OPCML: variants seen among roughly 807,000 people sequenced by gnomAD.
The protein encoded by OPCML is opioid-binding protein/cell adhesion molecule.
In OPCML, 13 loss-of-function variants were observed where a neutral mutation model predicts 37.8. That is an observed-to-expected ratio of 0.34 (90% CI 0.22 to 0.55). The LOEUF (loss-of-function observed/expected upper bound fraction) is 0.55, where lower values mean the gene tolerates loss of function less well. Among genes scored for constraint, OPCML ranks in the 20% least tolerant of loss-of-function variants. The pLI is 0.91. For missense variants in OPCML, 341 were observed against 435.6 expected, an observed-to-expected ratio of 0.78 and a Z score of 1.93; for synonymous variants, 176 against 168.8, an observed-to-expected ratio of 1.04 and a Z score of -0.33.
intron 1 of OPCML, among the ~76,000 whole-genome samples, chr11:133,389,956 A>G (rs549335325): frequency 6.6e-6 from 1 of 152,320 alleles, no homozygotes; most frequent in African/African-American, 2.4e-5. Flanking sequence ...CCATCCCTGG[A>G]GCATGTTTCT....
chr11:133,046,047 C>T (rs1011130068), intron 1 of OPCML, among the ~76,000 whole-genome samples: 51 of 152,230 alleles, frequency 3.4e-4, no homozygotes, highest in African/African-American at 1.2e-3. Context: ...TCATGAGTTG[C>T]GACTGAAAGC....
intron 4 of OPCML, among the ~76,000 whole-genome samples, chr11:132,442,874 T>A (rs1483045695): frequency 6.6e-6 from 1 of 152,204 alleles, no homozygotes; most frequent in Non-Finnish European, 1.5e-5. Flanking sequence ...CTTTGCTTTA[T>A]AAATTCCCCA....
chr11:133,119,830 T>C (rs1439508039), intron 1 of OPCML, among the ~76,000 whole-genome samples: 1 of 152,050 alleles, frequency 6.6e-6, no homozygotes, highest in African/African-American at 2.4e-5. Flanking sequence ...TCGCACAGGA[T>C]GCACGTGGGA....
At chr11:133,340,262 G>T (rs929519216) in intron 1 of OPCML, among the ~76,000 whole-genome samples, 1 of 152,118 alleles carries the variant, frequency 6.6e-6, no homozygotes, top group Non-Finnish European at 1.5e-5. Context: ...AGTGTCCTTT[G>T]ACTCTCCGGG....
intron 2 of OPCML, among the ~76,000 whole-genome samples, chr11:132,704,411 A>G (rs1001459663): frequency 1.3e-5 from 2 of 152,248 alleles, no homozygotes; most frequent in African/African-American, 4.8e-5. Flanking sequence ...CAGTTTGTAA[A>G]GAAGTTTAAA....
chr11:133,418,511 CA>C (rs1397801165), intron 1 of OPCML: 2 of 974,740 alleles, frequency 2.1e-6, no homozygotes, highest in East Asian at 2.3e-4. Context: ...ACAGCCTTTG[CA>C]AAATTATGAC....
chr11:132,624,407 C>T (rs530362194), intron 3 of OPCML, among the ~76,000 whole-genome samples: 5 of 152,222 alleles, frequency 3.3e-5, no homozygotes, highest in South Asian at 2.1e-4. Flanking sequence ...ATTTTGAAGC[C>T]GTTGGCCACT....
At position 132,436,074 on chromosome 11, in the gene OPCML, T is replaced by G. The variant is rs2096012040; in HGVS notation, c.916+12A>C. 1.2e-6 allele frequency: 2 copies of G among 1,610,742 alleles called. No homozygotes were observed. Among genetic ancestry groups the G allele is most frequent in the South Asian group, 1.1e-5 (1 of 90,628 alleles). Reference sequence around the variant, plus strand: ...TGGCTGAGCCCACTGCATCCAGGCTTCCAGCACTCACCATACAATGTGATG... The same window carrying G: ...TGGCTGAGCCCACTGCATCCAGGCTGCCAGCACTCACCATACAATGTGATG... On this transcript the variant is annotated intron_variant, in intron 7 of 7. Coordinates refer to ENST00000524381, the MANE Select transcript of OPCML (RefSeq NM_001012393.5).
chr11:132,883,023 G>A (rs957072766), intron 2 of OPCML, among the ~76,000 whole-genome samples: 8 of 152,142 alleles, frequency 5.3e-5, no homozygotes, highest in South Asian at 2.1e-4. Flanking sequence ...CTTCAGCTGC[G>A]ACAGTTGAAA....
intron 1 of OPCML, among the ~76,000 whole-genome samples, chr11:132,958,664 A>C (rs1321462211): frequency 3.3e-5 from 5 of 152,218 alleles, no homozygotes; most frequent in Non-Finnish European, 7.3e-5. Context: ...CTCATTTATC[A>C]TTCTGAAAAT....
intron 3 of OPCML, among the ~76,000 whole-genome samples, chr11:132,544,204 A>G (rs2137388512): frequency 6.6e-6 from 1 of 151,792 alleles, no homozygotes; most frequent in Admixed American, 6.6e-5. Context: ...TCCAGCAAAA[A>G]GCAATTAAAG....
At position 133,292,223 on chromosome 11, in the gene OPCML, G is replaced by A. The variant is rs1215739600; in HGVS notation, c.61+240041C>T. ...ACAGAAGTCTAAATCAAAAGGGAGGGGAAAAAAGAGAGATCTCTTTTCTCC... is the reference window on the plus strand; with the variant it reads ...ACAGAAGTCTAAATCAAAAGGGAGGAGAAAAAAGAGAGATCTCTTTTCTCC... On this transcript the variant is annotated intron_variant, in intron 1 of 7. Transcript: ENST00000524381. Among the ~76,000 whole-genome samples, 4 of 152,014 alleles carry A rather than the reference G, an allele frequency of 2.6e-5. No homozygotes were observed. In the East Asian group the frequency reaches 7.7e-4, roughly 29 times the overall value.
At chr11:133,293,383 G>A (rs879829676) in intron 1 of OPCML, among the ~76,000 whole-genome samples, 11 of 152,074 alleles carry the variant, frequency 7.2e-5, no homozygotes, top group Non-Finnish European at 1.2e-4. Flanking sequence ...GTACATTGAC[G>A]GCGAAGTCCA....
At chr11:132,828,342 C>G (rs931851539) in intron 2 of OPCML, among the ~76,000 whole-genome samples, 16 of 152,104 alleles carry the variant, frequency 1.1e-4, no homozygotes, top group Non-Finnish European at 1.9e-4. Context: ...TTTGCCAAAA[C>G]CCAGCGAGCG....
chr11:132,570,756 T>TATAC (rs1491215244), intron 3 of OPCML, among the ~76,000 whole-genome samples: 1 of 6,390 alleles, frequency 1.6e-4, no homozygotes, highest in Non-Finnish European at 2.8e-4. Context: ...GGAAAGAGAG[T>TATAC]ATATATATAT....
In OPCML at chr11:132,663,738, A is replaced by G. The variant is rs144628154; in HGVS notation, c.147-6419T>C. On this transcript the variant is annotated intron_variant, in intron 2 of 7. Coordinates refer to ENST00000524381, the MANE Select transcript of OPCML (RefSeq NM_001012393.5). ...GGAAGGAGAACTTCGTTATCACAGG[A>G]TGAGCGTGGAACCCAGAAGGGCAGG... Among the ~76,000 whole-genome samples the G allele has an allele frequency of 3.3e-3, 496 of 152,362 alleles. 5 individuals are homozygous for G. Among genetic ancestry groups the G allele is most frequent in the African/African-American group, 0.011 (465 of 41,586 alleles).
chr11:132,698,253 T>C (rs568202342), intron 2 of OPCML, among the ~76,000 whole-genome samples: 40 of 152,228 alleles, frequency 2.6e-4, no homozygotes, highest in African/African-American at 8.7e-4. Flanking sequence ...CAATTCAAAT[T>C]TCCACCAACA....
intron 1 of OPCML, among the ~76,000 whole-genome samples, chr11:133,084,047 A>C (rs1343035158): frequency 1.3e-5 from 2 of 152,114 alleles, no homozygotes; most frequent in African/African-American, 4.8e-5. Context: ...AAATTCTTTG[A>C]GAGCAGAGAC....
intron 1 of OPCML, among the ~76,000 whole-genome samples, chr11:133,210,953 G>T (rs1230456259): frequency 6.6e-6 from 1 of 152,000 alleles, no homozygotes; most frequent in Non-Finnish European, 1.5e-5. Flanking sequence ...TCAGATTTTT[G>T]AACATTGCCA....
Sources: gnomAD v4.1 joint callset for allele counts (sites outside exome capture counted in the v4.1 genomes callset) on GRCh38, gnomAD v4.1.1 for gene constraint, MANE v1.5 for transcripts, NCBI Gene and HGNC (gene_info 2026-07-23, HGNC 2026-07-21) for gene names.